Variants in RARB observed in about 807,000 individuals in gnomAD.
RARB encodes the protein HBV-activated protein.
Under a neutral mutation model 51.9 loss-of-function variants are expected in RARB, and 17 were observed. The ratio of observed to expected loss-of-function variants is 0.33; its 90% CI spans 0.22 to 0.49. The LOEUF (loss-of-function observed/expected upper bound fraction) is 0.49, where lower values mean the gene tolerates loss of function less well. RARB is among the 20% of genes least tolerant of loss of function. The pLI, the probability that RARB is intolerant of heterozygous loss-of-function variation, is 0.99. For synonymous variants in RARB, 215 were observed against 195.4 expected, an observed-to-expected ratio of 1.10 and a Z score of -0.84; for missense variants, 369 against 550.8, an observed-to-expected ratio of 0.67 and a Z score of 3.30.
At chr3:25,227,151 G>T (rs1461726242) in intron 5 of RARB, among the ~76,000 whole-genome samples, 1 of 152,132 alleles carries the variant, frequency 6.6e-6, no homozygotes, top group Admixed American at 6.5e-5. Flanking sequence ...ATGGGCTCGT[G>T]GGCTCACTGA....
At chr3:24,980,019 C>A (rs1168934839) in intron 2 of RARB, among the ~76,000 whole-genome samples, 1 of 152,170 alleles carries the variant, frequency 6.6e-6, no homozygotes, top group Non-Finnish European at 1.5e-5. Context: ...ATTTCTCCTT[C>A]ACTTATGAAG....
intron 3 of RARB, among the ~76,000 whole-genome samples, chr3:25,130,921 ATATTTATCATTGATAATATCAATATT>A (rs1388786858): frequency 1.7e-3 from 36 of 21,092 alleles, no homozygotes; most frequent in Admixed American, 1.9e-3. Flanking sequence ...AATATTATCA[ATATTTATCATTGATAATATCAATATT>A]TATTATTGAT....
chr3:25,224,342 GA>G (rs1191072681), intron 5 of RARB, among the ~76,000 whole-genome samples: 3 of 152,042 alleles, frequency 2.0e-5, no homozygotes, highest in Non-Finnish European at 4.4e-5. Flanking sequence ...GCATATCAAG[GA>G]AAAAATAACT....
At chr3:25,022,573 C>T (rs758789768) in intron 2 of RARB, among the ~76,000 whole-genome samples, 1 of 152,144 alleles carries the variant, frequency 6.6e-6, no homozygotes, top group South Asian at 2.1e-4. Flanking sequence ...AAGAGCATTC[C>T]AGTTCCTCTA....
At chr3:25,237,577 C>T (rs1185018054) in intron 5 of RARB, among the ~76,000 whole-genome samples, 1 of 151,976 alleles carries the variant, frequency 6.6e-6, no homozygotes, top group African/African-American at 2.4e-5. Context: ...AAAATAACAG[C>T]TTTATTGAGA....
chr3:24,933,579 T>G (rs931217645), intron 2 of RARB, among the ~76,000 whole-genome samples: 2 of 152,060 alleles, frequency 1.3e-5, no homozygotes, highest in African/African-American at 4.8e-5. Flanking sequence ...GCAGAGCAAA[T>G]GAGGACTCTA....
At chr3:24,956,246 A>G (rs1696011555) in intron 2 of RARB, among the ~76,000 whole-genome samples, 2 of 152,182 alleles carry the variant, frequency 1.3e-5, no homozygotes, top group Admixed American at 6.5e-5. Flanking sequence ...AGAGAAGGGG[A>G]CAATGAAGAT....
exon 2 of RARB, chr3:24,858,707 A>T (rs1702680245): frequency 6.6e-6 from 1 of 152,164 alleles, no homozygotes; most frequent in Admixed American, 6.6e-5. Context: ...GACAGTCACC[A>T]GTCCTGCTCA....
intron 2 of RARB, among the ~76,000 whole-genome samples, chr3:24,881,252 T>A (rs1363794573): frequency 6.6e-6 from 1 of 152,234 alleles, no homozygotes; most frequent in Non-Finnish European, 1.5e-5. Context: ...GCCTCTTGTT[T>A]ATAAATTACC....
At chr3:25,204,949 AG>A (rs1447663090) in intron 5 of RARB, among the ~76,000 whole-genome samples, 3 of 152,162 alleles carry the variant, frequency 2.0e-5, no homozygotes, top group Non-Finnish European at 4.4e-5. Flanking sequence ...CTCTCTTCAA[AG>A]CTGTCAGACA....
At chr3:25,171,614 T>C (rs1173369591) in intron 4 of RARB, among the ~76,000 whole-genome samples, 2 of 102,968 alleles carry the variant, frequency 1.9e-5, no homozygotes, top group African/African-American at 7.5e-5. Context: ...GGTGGAATAA[T>C]GGTTTTTTCC....
At chr3:25,380,301 C>T (rs1055503663) in intron 5 of RARB, among the ~76,000 whole-genome samples, 2 of 152,146 alleles carry the variant, frequency 1.3e-5, no homozygotes, top group South Asian at 2.1e-4. Context: ...TTTCCCACTC[C>T]GTACCCGTTG....
chr3:25,009,265 G>T (rs1304282330), intron 2 of RARB, among the ~76,000 whole-genome samples: 1 of 152,126 alleles, frequency 6.6e-6, no homozygotes, highest in African/African-American at 2.4e-5. Flanking sequence ...GCTGACAGAA[G>T]ATACATAGGT....
intron 4 of RARB, among the ~76,000 whole-genome samples, chr3:25,156,516 CAAAAAAAA>C (rs35710364): frequency 3.9e-4 from 22 of 56,832 alleles, no homozygotes; most frequent in African/African-American, 1.3e-3. Flanking sequence ...GCCCCAACTG[CAAAAAAAA>C]AAAAAAAAAA....
At chr3:25,328,612 G>C (rs561797449) in intron 5 of RARB, among the ~76,000 whole-genome samples, 1 of 152,186 alleles carries the variant, frequency 6.6e-6, no homozygotes, top group Non-Finnish European at 1.5e-5. Context: ...CAGCATGAGC[G>C]ACACAGAAGA....
At chr3:25,518,579 A>T (rs1348370067) in intron 3 of RARB, among the ~76,000 whole-genome samples, 1 of 152,176 alleles carries the variant, frequency 6.6e-6, no homozygotes, top group African/African-American at 2.4e-5. Flanking sequence ...CCTTAGACCC[A>T]AAAGAAATAA....
At chr3:25,197,634 A>G (rs1603970) in intron 5 of RARB, among the ~76,000 whole-genome samples, 73 of 152,136 alleles carry the variant, frequency 4.8e-4, no homozygotes, top group South Asian at 1.5e-3. Context: ...TAGCATTTCT[A>G]TATATCAATA....
chr3:24,968,697 T>C (rs1230787458), intron 2 of RARB, among the ~76,000 whole-genome samples: 1 of 151,940 alleles, frequency 6.6e-6, no homozygotes, highest in Non-Finnish European at 1.5e-5. Flanking sequence ...GTTCAAGGGG[T>C]TCTAAAGACA....
chr3:25,546,875 C>T (rs943536641), intron 3 of RARB, among the ~76,000 whole-genome samples: 4 of 152,198 alleles, frequency 2.6e-5, no homozygotes, highest in African/African-American at 9.6e-5. Context: ...TTTAACATTG[C>T]GAATATTTCC....
Sources: gnomAD v4.1 joint callset for allele counts (sites outside exome capture counted in the v4.1 genomes callset) on GRCh38, gnomAD v4.1.1 for gene constraint, MANE v1.5 for transcripts, NCBI Gene and HGNC (gene_info 2026-07-23, HGNC 2026-07-21) for gene names.